Variants in NKAIN3 observed in about 807,000 individuals in gnomAD.
NKAIN3 encodes sodium/potassium transporting ATPase interacting 3.
A neutral mutation model predicts 30.2 loss-of-function variants in NKAIN3; 25 were observed. The ratio of observed to expected loss-of-function variants is 0.83; its 90% CI spans 0.60 to 1.16. NKAIN3 has a LOEUF of 1.16. Among genes scored for constraint, NKAIN3 ranks in the 50% most tolerant of loss-of-function variants. The pLI is 0.00. For missense variants in NKAIN3, 225 were observed against 254.1 expected, an observed-to-expected ratio of 0.89 and a Z score of 0.78; for synonymous variants, 91 against 89.6, an observed-to-expected ratio of 1.02 and a Z score of -0.09.
chr8:62,968,882 C>T lies in NKAIN3; in HGVS notation c.*3475C>T, dbSNP rs945389047. Among the ~76,000 whole-genome samples, 5 of 152,148 alleles carry T rather than the reference C, an allele frequency of 3.3e-5. No individual in the cohort carries two copies. The highest frequency in any genetic ancestry group is 5.9e-5 in the Non-Finnish European group (4 of 68,028). ...TGTTTCAAAGCCATCAAAATCTAAGCAAGGGAGTTACAGGGAGGGTTAGAG... is the reference window on the plus strand; with the variant it reads ...TGTTTCAAAGCCATCAAAATCTAAGTAAGGGAGTTACAGGGAGGGTTAGAG... On this transcript the variant is annotated 3_prime_UTR_variant, in exon 7 of 7. Transcript: ENST00000623646.
chr8:62,908,846 T>C (rs1031028338), intron 4 of NKAIN3, among the ~76,000 whole-genome samples: 1 of 152,214 alleles, frequency 6.6e-6, no homozygotes. Flanking sequence ...GAAACATCTA[T>C]CATTCCTTAA....
intron 4 of NKAIN3, among the ~76,000 whole-genome samples, chr8:62,797,915 T>C (rs1383109383): frequency 2.0e-5 from 3 of 152,050 alleles, no homozygotes; most frequent in African/African-American, 4.8e-5. Context: ...AAGAATGGAG[T>C]TATGCTGCCA....
chr8:62,968,881 G>A lies in NKAIN3; in HGVS notation c.*3474G>A, dbSNP rs1823774008. Among the ~76,000 whole-genome samples, 3 of 152,156 alleles carry A rather than the reference G, an allele frequency of 2.0e-5. No individual in the cohort carries two copies. In the South Asian group the frequency reaches 6.2e-4, roughly 32 times the overall value. On this transcript the variant is annotated 3_prime_UTR_variant, in exon 7 of 7. Transcript: ENST00000623646. ...ATGTTTCAAAGCCATCAAAATCTAAGCAAGGGAGTTACAGGGAGGGTTAGA... is the reference window on the plus strand; with the variant it reads ...ATGTTTCAAAGCCATCAAAATCTAAACAAGGGAGTTACAGGGAGGGTTAGA...
intron 1 of NKAIN3, among the ~76,000 whole-genome samples, chr8:62,451,007 G>A (rs968914830): frequency 3.3e-5 from 5 of 152,162 alleles, no homozygotes. Context: ...CTTATGCAAT[G>A]TGGAGCAGAT....
intron 4 of NKAIN3, among the ~76,000 whole-genome samples, chr8:62,896,146 A>AG (rs966489009): frequency 9.2e-5 from 14 of 152,104 alleles, no homozygotes; most frequent in Non-Finnish European, 1.6e-4. Flanking sequence ...GTGCCAGCAT[A>AG]GTCAGGCTCG....
intron 1 of NKAIN3, among the ~76,000 whole-genome samples, chr8:62,529,095 G>C (rs1356946465): frequency 6.6e-6 from 1 of 152,058 alleles, no homozygotes; most frequent in South Asian, 2.1e-4. Flanking sequence ...ATGAGGTATA[G>C]GTACAGAACA....
chr8:62,952,065 G>A (rs1823297005), intron 5 of NKAIN3, among the ~76,000 whole-genome samples: 1 of 152,084 alleles, frequency 6.6e-6, no homozygotes, highest in Admixed American at 6.5e-5. Flanking sequence ...ATCCCAAATT[G>A]CTAGCAATAT....
At chr8:62,953,668 AC>A (rs1487938223) in intron 5 of NKAIN3, among the ~76,000 whole-genome samples, 9 of 152,196 alleles carry the variant, frequency 5.9e-5, no homozygotes, top group Non-Finnish European at 8.8e-5. Context: ...TTTTACTGAA[AC>A]CAATAACAAC....
chr8:62,946,247 C>G (rs1311532615), intron 5 of NKAIN3, among the ~76,000 whole-genome samples: 1 of 152,156 alleles, frequency 6.6e-6, no homozygotes, highest in Admixed American at 6.5e-5. Flanking sequence ...CAGCCCCAAC[C>G]ACCCCCGGGA....
chr8:62,466,961 TTC>T (rs1318969636), intron 1 of NKAIN3, among the ~76,000 whole-genome samples: 1 of 152,148 alleles, frequency 6.6e-6, no homozygotes, highest in Non-Finnish European at 1.5e-5. Context: ...TTGCTTAAAT[TTC>T]TCAAATATCT....
chr8:62,797,694 T>C (rs1238860731), intron 4 of NKAIN3, among the ~76,000 whole-genome samples: 1 of 152,170 alleles, frequency 6.6e-6, no homozygotes, highest in Admixed American at 6.5e-5. Context: ...TATAATGTTA[T>C]GGGCTAAATT....
At chr8:62,376,686 C>T (rs1043540246) in intron 1 of NKAIN3, among the ~76,000 whole-genome samples, 3 of 152,130 alleles carry the variant, frequency 2.0e-5, no homozygotes, top group African/African-American at 7.2e-5. Context: ...TCTCAATCTT[C>T]TCCTATATTC....
At chr8:62,318,284 G>T (rs1681120463) in intron 1 of NKAIN3, among the ~76,000 whole-genome samples, 1 of 152,104 alleles carries the variant, frequency 6.6e-6, no homozygotes, top group Admixed American at 6.5e-5. Flanking sequence ...TCTCCTGCCT[G>T]ATTGCCCTGG....
intron 3 of NKAIN3, among the ~76,000 whole-genome samples, chr8:62,736,061 G>A (rs1815659905): frequency 6.6e-6 from 1 of 152,194 alleles, no homozygotes; most frequent in African/African-American, 2.4e-5. Context: ...GAGTGAAGTG[G>A]ACTCTGTGAA....
At chr8:62,553,744 G>A (rs1475223278) in intron 1 of NKAIN3, among the ~76,000 whole-genome samples, 3 of 151,654 alleles carry the variant, frequency 2.0e-5, no homozygotes, top group African/African-American at 7.3e-5. Flanking sequence ...CACTATGTTG[G>A]CCAGGCTGGT....
intron 1 of NKAIN3, among the ~76,000 whole-genome samples, chr8:62,504,758 A>G (rs1270243615): frequency 3.3e-5 from 5 of 152,190 alleles, no homozygotes; most frequent in African/African-American, 1.2e-4. Flanking sequence ...GCACGATGCT[A>G]TAATTCCTTT....
intron 3 of NKAIN3, among the ~76,000 whole-genome samples, chr8:62,700,390 C>T (rs529807762): frequency 1.3e-5 from 2 of 152,350 alleles, no homozygotes; most frequent in African/African-American, 4.8e-5. Flanking sequence ...GTTGTTACAA[C>T]TCCCTGAATT....
intron 5 of NKAIN3, among the ~76,000 whole-genome samples, chr8:62,946,753 A>G (rs1374059247): frequency 6.6e-6 from 1 of 152,192 alleles, no homozygotes; most frequent in African/African-American, 2.4e-5. Flanking sequence ...AAAGCCTAAT[A>G]CCTACATAGC....
rs1029691704 is a variant in NKAIN3, at chr8:62,970,021, C to G, written c.*4614C>G. On this transcript the variant is annotated 3_prime_UTR_variant, in exon 7 of 7. Coordinates refer to ENST00000623646, the MANE Select transcript of NKAIN3 (RefSeq NM_001304533.3). ...ACCAGCTTGGGCAAAATAGTGAGAC[C>G]GTATCTCTACAAAAACAAACAAATA... 6.6e-6 allele frequency among the ~76,000 whole-genome samples: 1 copy of G among 151,744 alleles called. No individual in the cohort carries two copies. Among genetic ancestry groups the G allele is most frequent in the African/African-American group, 2.4e-5 (1 of 41,314 alleles).
Sources: allele counts gnomAD v4.1 joint callset (sites outside exome capture counted in the v4.1 genomes callset), GRCh38; gene constraint gnomAD v4.1.1; transcripts MANE v1.5; gene names NCBI Gene and HGNC (gene_info 2026-07-23, HGNC 2026-07-21).